The following B4GALNT3 variants were observed in gnomAD, a reference collection of about 807,000 sequenced individuals.
B4GALNT3 encodes the protein beta-1,4-N-acetylgalactosaminyltransferase 3.
In B4GALNT3, 86 loss-of-function variants were observed where a neutral mutation model predicts 120.2. That is an observed-to-expected ratio of 0.72 (90% CI 0.60 to 0.86). The LOEUF is 0.86. Among genes scored for constraint, B4GALNT3 ranks in the 40% least tolerant of loss-of-function variants. The pLI is 0.00. For synonymous variants in B4GALNT3, 518 were observed against 510.4 expected (o/e 1.01, Z -0.20); for missense variants, 1,167 against 1,298.9 (o/e 0.90, Z 1.56).
At chr12:516,323 A>G (rs1946655825) in intron 1 of B4GALNT3, among the ~76,000 whole-genome samples, 1 of 152,168 alleles carries the variant, frequency 6.6e-6, no homozygotes, top group Non-Finnish European at 1.5e-5. Flanking sequence ...GTTATTATAG[A>G]TAGGATGATC....
chr12:542,888 T>C (rs1418456649), intron 3 of B4GALNT3, among the ~76,000 whole-genome samples: 3 of 152,180 alleles, frequency 2.0e-5, no homozygotes, highest in African/African-American at 7.2e-5. Flanking sequence ...GCCTCCCAGC[T>C]GCTTCCCAAG....
At position 549,875 on chromosome 12, in the gene B4GALNT3, C is replaced by T. The variant is rs1947058081; in HGVS notation, c.960C>T (p.Asp320=). 6.2e-7 allele frequency: 1 copy of T among 1,613,490 alleles called. No individual in the cohort carries two copies. Residue 320 remains aspartate (D), a synonymous_variant, in exon 10 of 20, where the codon GAC becomes GAT. Transcript: ENST00000266383. The part of the protein sequence containing the change: ...ALPRDEQPPA[D]MLRPDPRDTL... ...CCAGGGATGAGCAGCCGCCCGCTGACATGCTTCGGCCTGACCCCCGGGACA... is the reference window on the plus strand; with the variant it reads ...CCAGGGATGAGCAGCCGCCCGCTGATATGCTTCGGCCTGACCCCCGGGACA...
At chr12:529,440 G>A (rs946613449) in intron 1 of B4GALNT3, among the ~76,000 whole-genome samples, 11 of 152,276 alleles carry the variant, frequency 7.2e-5, no homozygotes, top group East Asian at 1.9e-4. Context: ...GGCAACGTTC[G>A]TTTCCACACG....
chr12:552,703 T>G, intron 13 of B4GALNT3, 175 bp downstream of exon 13: 1 of 619,896 alleles, frequency 1.6e-6, no homozygotes, highest in Non-Finnish European at 2.8e-6. Context: ...CTTTTCCATA[T>G]CCAGGCACAT....
intron 14 of B4GALNT3, among the ~76,000 whole-genome samples, chr12:554,418 A>G (rs1269148220): frequency 6.6e-6 from 1 of 152,222 alleles, no homozygotes; most frequent in Admixed American, 6.5e-5. Flanking sequence ...CATTCATTCA[A>G]CCAGTCAACA....
At chr12:514,434 T>C (rs1451001809) in intron 1 of B4GALNT3, among the ~76,000 whole-genome samples, 3 of 151,576 alleles carry the variant, frequency 2.0e-5, no homozygotes, top group East Asian at 2.0e-4. Context: ...ACTGACCTCG[T>C]GATCTGCCCG....
At chr12:542,170 C>A (rs1946926110) in intron 3 of B4GALNT3, among the ~76,000 whole-genome samples, 1 of 152,192 alleles carries the variant, frequency 6.6e-6, no homozygotes, top group Admixed American at 6.5e-5. Context: ...GCCCACATTC[C>A]TGGCATTGAC....
chr12:487,014 C>T (rs1038750480), intron 1 of B4GALNT3, among the ~76,000 whole-genome samples: 4 of 151,972 alleles, frequency 2.6e-5, no homozygotes, highest in Non-Finnish European at 5.9e-5. Context: ...TCAAAAGAAA[C>T]CCTAGAGATC....
intron 3 of B4GALNT3, among the ~76,000 whole-genome samples, chr12:539,445 G>C (rs1342787467): frequency 6.6e-6 from 1 of 152,076 alleles, no homozygotes; most frequent in Non-Finnish European, 1.5e-5. Context: ...AGTTCTCGTG[G>C]GTTGTTCACA....
intron 9 of B4GALNT3, among the ~76,000 whole-genome samples, chr12:549,353 C>T (rs183146114): frequency 8.5e-5 from 13 of 152,322 alleles, no homozygotes; most frequent in African/African-American, 1.9e-4. Context: ...TGGGAATGAT[C>T]GTAGTACAGA....
intron 1 of B4GALNT3, among the ~76,000 whole-genome samples, chr12:463,334 C>T (rs1464720693): frequency 6.6e-6 from 1 of 152,196 alleles, no homozygotes; most frequent in Non-Finnish European, 1.5e-5. Flanking sequence ...GGATGATGTG[C>T]AATTTGGTTC....
intron 15 of B4GALNT3, among the ~76,000 whole-genome samples, chr12:557,320 C>G (rs554277162): frequency 2.6e-4 from 40 of 152,196 alleles, no homozygotes; most frequent in African/African-American, 8.9e-4. Flanking sequence ...ACTAGTAGAG[C>G]GTGGCAGGGC....
intron 2 of B4GALNT3, 103 bp downstream of exon 2, chr12:535,372 G>A: frequency 1.1e-6 from 1 of 935,294 alleles, no homozygotes; most frequent in Non-Finnish European, 1.6e-6. Flanking sequence ...TCTGGGAGGA[G>A]AGGCAGAGGA....
chr12:524,908 G>T lies in B4GALNT3; in HGVS notation c.170-10258G>T, dbSNP rs529338648. On this transcript the variant is annotated intron_variant, in intron 1 of 19. Transcript: ENST00000266383. ...TGTGTTTGTCCTCTGTTAAATGCAT[G>T]TGGTGGGTTAAACTTGTTGTGTTAA... Among the ~76,000 whole-genome samples, 6 of 152,234 alleles carry T rather than the reference G, an allele frequency of 3.9e-5. No homozygotes were observed. The East Asian group carries it at 1.2e-3, about 30-fold the overall frequency.
chr12:480,744 G>A (rs1044829994), intron 1 of B4GALNT3, among the ~76,000 whole-genome samples: 1 of 152,168 alleles, frequency 6.6e-6, no homozygotes, highest in African/African-American at 2.4e-5. Context: ...TCCATAGGCG[G>A]GGGCTGTGAG....
At chr12:508,204 G>T (rs796170229) in intron 1 of B4GALNT3, among the ~76,000 whole-genome samples, 70 of 152,364 alleles carry the variant, frequency 4.6e-4, no homozygotes, top group African/African-American at 1.7e-3. Flanking sequence ...CGTTAATGAA[G>T]AGAAAGCTTC....
chr12:514,614 A>G (rs1592035434), intron 1 of B4GALNT3, among the ~76,000 whole-genome samples: 1 of 152,282 alleles, frequency 6.6e-6, no homozygotes, highest in South Asian at 2.1e-4. Context: ...AGGAGAAGAG[A>G]TGCTTTTTTT....
intron 5 of B4GALNT3, 178 bp from the exon 6 acceptor site, chr12:545,191 A>G: frequency 6.9e-7 from 1 of 1,447,810 alleles, no homozygotes; most frequent in Non-Finnish European, 9.1e-7. Flanking sequence ...ATCTCTCCAT[A>G]TAAGTCTTCT....
intron 14 of B4GALNT3, 94 bp downstream of exon 14, chr12:554,077 C>T: frequency 1.2e-6 from 1 of 844,426 alleles, no homozygotes; most frequent in Non-Finnish European, 1.8e-6. Flanking sequence ...AGTGGGTTCC[C>T]CCAGCCGCGG....
Sources: gnomAD v4.1 joint callset for allele counts (sites outside exome capture counted in the v4.1 genomes callset) on GRCh38, gnomAD v4.1.1 for gene constraint, MANE v1.5 for transcripts, NCBI Gene and HGNC (gene_info 2026-07-23, HGNC 2026-07-21) for gene names.